TDG: variants seen among roughly 807,000 people sequenced by gnomAD.
The protein encoded by TDG is G/T mismatch-specific thymine DNA glycosylase.
TDG carries 23 observed loss-of-function variants against 46.1 expected under a neutral mutation model. The ratio of observed to expected loss-of-function variants is 0.50; its 90% CI spans 0.36 to 0.71. TDG has a LOEUF of 0.71. TDG is among the 30% of genes least tolerant of loss of function. The pLI is 0.00. For synonymous variants in TDG, 115 were observed against 161.3 expected (o/e 0.71, Z 2.18); for missense variants, 304 against 486.7 (o/e 0.62, Z 3.53).
At chr12:103,983,999 A>G (rs1395629726) in intron 7 of TDG, among the ~76,000 whole-genome samples, 1 of 152,206 alleles carries the variant, frequency 6.6e-6, no homozygotes, top group Non-Finnish European at 1.5e-5. Context: ...AAAGAACAAC[A>G]CAGTGCACAG....
intron 1 of TDG, among the ~76,000 whole-genome samples, chr12:103,970,820 C>T (rs377697077): frequency 2.5e-4 from 38 of 151,944 alleles, no homozygotes; most frequent in African/African-American, 7.2e-4. Context: ...GAACTCTATG[C>T]GTGGAGTGTG....
intron 1 of TDG, 139 bp downstream of exon 1, chr12:103,966,199 C>G (rs1871009277): frequency 7.4e-6 from 9 of 1,210,024 alleles, no homozygotes; most frequent in South Asian, 1.7e-5. Flanking sequence ...GCACTGTGGC[C>G]TGGTCGGCCT....
At chr12:103,978,866 A>T (rs982315916) in intron 2 of TDG, among the ~76,000 whole-genome samples, 1 of 152,094 alleles carries the variant, frequency 6.6e-6, no homozygotes. Flanking sequence ...AACATTCTGT[A>T]ATGTGCAGTA....
intron 1 of TDG, among the ~76,000 whole-genome samples, chr12:103,976,181 G>A (rs960060122): frequency 6.6e-6 from 1 of 151,842 alleles, no homozygotes; most frequent in African/African-American, 2.4e-5. Context: ...GAGATGGGCA[G>A]ATCTCTTGAG....
chr12:103,980,642 C>A, intron 3 of TDG: 1 of 372,750 alleles, frequency 2.7e-6, no homozygotes, highest in Non-Finnish European at 4.8e-6. Context: ...GGGTGCGAGG[C>A]CTGGGATCAT....
chr12:103,974,698 C>A (rs576516217), intron 1 of TDG, among the ~76,000 whole-genome samples: 14 of 152,198 alleles, frequency 9.2e-5, no homozygotes, highest in African/African-American at 2.4e-4. Flanking sequence ...TCGCTGGGCG[C>A]GGTGGCTCAT....
Position 103,984,870 on chromosome 12 carries a change from A to C in TDG, c.914A>C (p.Asn305Thr), listed in dbSNP as rs750310584. Residue 305 changes from asparagine to threonine, a missense_variant, in exon 8 of 10, where the codon AAT (asparagine) becomes ACT (threonine). Transcript: ENST00000392872. ...LRDQLKGIER[N>T]MDVQEVQYTF... ...GATCAGTTGAAAGGCATTGAACGAAATATGGACGTTCAAGAGGTGCAATAT... is the reference window on the plus strand; with the variant it reads ...GATCAGTTGAAAGGCATTGAACGAACTATGGACGTTCAAGAGGTGCAATAT... 2 of 1,613,540 alleles carry C rather than the reference A, an allele frequency of 1.2e-6. No homozygotes were observed. The highest frequency in any genetic ancestry group is 1.7e-6 in the Non-Finnish European group (2 of 1,179,508).
intron 3 of TDG, 30 bp downstream of exon 3, chr12:103,980,102 A>G: frequency 1.2e-6 from 2 of 1,612,546 alleles, no homozygotes; most frequent in Non-Finnish European, 1.7e-6. Flanking sequence ...TGGATTTTAT[A>G]AGTAGTATTG....
At chr12:103,971,557 A>G (rs1871283846) in intron 1 of TDG, among the ~76,000 whole-genome samples, 1 of 152,166 alleles carries the variant, frequency 6.6e-6, no homozygotes, top group Admixed American at 6.5e-5. Flanking sequence ...CTCTGTCTCA[A>G]AAACCAAACA....
At chr12:103,967,639 T>C (rs930841634) in intron 1 of TDG, among the ~76,000 whole-genome samples, 6 of 151,970 alleles carry the variant, frequency 3.9e-5, no homozygotes, top group South Asian at 2.1e-4. Context: ...GTATTTTTAG[T>C]AGAGACAGGG....
At chr12:103,985,032 TGCAC>T in intron 8 of TDG, 112 bp downstream of exon 8, 28 of 715,714 alleles carry the variant, frequency 3.9e-5, no homozygotes, top group Middle Eastern at 4.1e-4. Context: ...TACATATGTG[TGCAC>T]ATATATGCAC....
intron 9 of TDG, chr12:103,986,686 C>T (rs540077095): frequency 3.4e-6 from 1 of 298,180 alleles, no homozygotes; most frequent in Non-Finnish European, 6.5e-6. Flanking sequence ...GGACTCCAGC[C>T]TGGGTGACAG....
chr12:103,969,817 A>C (rs1871215069), intron 1 of TDG, among the ~76,000 whole-genome samples: 1 of 152,194 alleles, frequency 6.6e-6, no homozygotes, highest in African/African-American at 2.4e-5. Flanking sequence ...GCAAGTTGGT[A>C]GCCCTGCTCA....
intron 1 of TDG, among the ~76,000 whole-genome samples, chr12:103,968,349 C>T (rs1409047770): frequency 2.0e-5 from 3 of 152,066 alleles, no homozygotes; most frequent in African/African-American, 7.2e-5. Context: ...AAAGATTAAC[C>T]CTTGCATGAG....
intron 1 of TDG, among the ~76,000 whole-genome samples, chr12:103,974,752 C>A (rs867714526): frequency 1.3e-5 from 2 of 151,888 alleles, no homozygotes; most frequent in South Asian, 4.1e-4. Flanking sequence ...GGGTGGATCG[C>A]GAGGTCAGGA....
intron 1 of TDG, among the ~76,000 whole-genome samples, chr12:103,969,703 A>G (rs1871209609): frequency 6.6e-6 from 1 of 152,226 alleles, no homozygotes; most frequent in South Asian, 2.1e-4. Context: ...GAGAAGTGAT[A>G]CAAGGACAGT....
chr12:103,975,850 C>T (rs1352785719), intron 1 of TDG, among the ~76,000 whole-genome samples: 4 of 151,470 alleles, frequency 2.6e-5, no homozygotes, highest in South Asian at 4.2e-4. Flanking sequence ...TTAGTAGAGG[C>T]GGGGTTTTGC....
In TDG at chr12:103,987,228, G is replaced by C. The variant is rs4135142; in HGVS notation, c.*138G>C. ...AATTGTAATGTAGAACAGTTGTGTG[G>C]TAGTGTGAACCGTATGAACCTAAGT... On this transcript the variant is annotated 3_prime_UTR_variant, in exon 10 of 10. Transcript: ENST00000392872. The C allele has an allele frequency of 3.2e-4, 429 of 1,332,218 alleles. No homozygotes were observed. The South Asian group carries it at 3.4e-3, about 11-fold the overall frequency. The allele number at this position is 1,332,218 out of a possible 1,614,324, so 82.5% of individuals were successfully genotyped here.
chr12:103,983,001 G>A, intron 5 of TDG, 67 bp downstream of exon 5: 1 of 1,598,804 alleles, frequency 6.3e-7, no homozygotes, highest in Non-Finnish European at 8.5e-7. Context: ...AATATTCTAG[G>A]AACATCATAT....
Sources: allele counts gnomAD v4.1 joint callset (sites outside exome capture counted in the v4.1 genomes callset), GRCh38; gene constraint gnomAD v4.1.1; transcripts MANE v1.5; gene names NCBI Gene and HGNC (gene_info 2026-07-23, HGNC 2026-07-21).